The following EPS8L3 variants were observed in gnomAD, a reference collection of about 807,000 sequenced individuals.
EPS8L3 encodes EPS8 signaling adaptor L3.
A neutral mutation model predicts 88.5 loss-of-function variants in EPS8L3; 80 were observed. The ratio of observed to expected loss-of-function variants is 0.90; its 90% CI spans 0.75 to 1.09. The LOEUF (loss-of-function observed/expected upper bound fraction) is 1.09, where lower values mean the gene tolerates loss of function less well. Among genes scored for constraint, EPS8L3 ranks in the 50% least tolerant of loss-of-function variants. The pLI is 0.00. For synonymous variants in EPS8L3, 286 were observed against 291.0 expected (o/e 0.98, Z 0.18); for missense variants, 721 against 735.2 (o/e 0.98, Z 0.22).
chr1:109,757,363 C>T (rs1364923545), intron 11 of EPS8L3, 118 bp downstream of exon 11: 2 of 1,157,940 alleles, frequency 1.7e-6, no homozygotes, highest in African/African-American at 3.0e-5. Context: ...GACCCCAGCT[C>T]ATCTGGTTCC....
chr1:109,757,942 A>C lies in EPS8L3; in HGVS notation c.832+2T>G. 9 of 1,613,716 alleles carry C rather than the reference A, an allele frequency of 5.6e-6. No individual in the cohort carries two copies. Among genetic ancestry groups the C allele is most frequent in the Non-Finnish European group, 7.6e-6 (9 of 1,179,848 alleles). ...TCCTCTTCCCTGGCCCTCAGTACTC[A>C]CCTCCCTGGTCCTTGTTTTTTTTCC... On this transcript the variant is annotated splice_donor_variant, in intron 9 of 18. Transcript: ENST00000361965. LOFTEE classifies it high-confidence loss of function.
intron 14 of EPS8L3, 49 bp downstream of exon 14, chr1:109,752,637 G>GTCCC (rs1255374328): frequency 6.6e-7 from 1 of 1,517,032 alleles, no homozygotes; most frequent in Non-Finnish European, 9.0e-7. Context: ...GAACAGCCCT[G>GTCCC]TCCCTCCCTC....
intron 12 of EPS8L3, 70 bp from the exon 13 acceptor site, chr1:109,753,268 C>G (rs1887548): frequency 0.63 from 819,419 of 1,303,582 alleles, 262,039 homozygotes; most frequent in African/African-American, 0.87. Flanking sequence ...GGGACGCGGA[C>G]AGGGAGGGGA....
In EPS8L3 at chr1:109,759,031, C is replaced by T. The variant is rs1452653953; in HGVS notation, c.461+31G>A. ...GGCCCCCGAGGCTGAGCTGGGAGGC[C>T]CCATAGGTGGGCTGGGCAGAGGCTG... On this transcript the variant is annotated intron_variant, in intron 6 of 18. Transcript: ENST00000361965. The surrounding 1 kb of genome is among the most constrained non-coding windows in gnomAD (Gnocchi z 4.2). 2 of 1,578,126 alleles carry T rather than the reference C, an allele frequency of 1.3e-6. No individual in the cohort carries two copies. Among genetic ancestry groups the T allele is most frequent in the Non-Finnish European group, 8.6e-7 (1 of 1,161,864 alleles).
rs756723643 is a variant in EPS8L3, at chr1:109,751,972, C to G, written c.1434+23G>C. The G allele has an allele frequency of 2.7e-5, 43 of 1,579,940 alleles. 1 individual carries two copies. In the South Asian group the frequency reaches 5.0e-4, roughly 19 times the overall value. On this transcript the variant is annotated intron_variant, in intron 15 of 18. Coordinates refer to ENST00000361965, the MANE Select transcript of EPS8L3 (RefSeq NM_133181.4). ...CTCCCACCAACCACCACCTCCTTTT[C>G]TAGCCTATGGCCCAAGCCTCACCTC...
chr1:109,760,754 C>A (rs1650832933), intron 3 of EPS8L3, among the ~76,000 whole-genome samples: 1 of 152,092 alleles, frequency 6.6e-6, no homozygotes, highest in Admixed American at 6.5e-5. Flanking sequence ...ATCGCCCCAG[C>A]TCCCTCCCTG....
In EPS8L3 at chr1:109,757,104, G is replaced by T; in HGVS notation, c.1031C>A (p.Pro344His). 1 of 1,614,046 alleles carries T rather than the reference G, an allele frequency of 6.2e-7. No individual in the cohort carries two copies. The highest frequency in any genetic ancestry group is 1.1e-5 in the South Asian group (1 of 91,076). The change falls in exon 12 of 19, where the codon CCT becomes CAT. Residue 344 changes from proline (P) to histidine (H), a missense_variant. Transcript: ENST00000361965. The stretch of plus-strand genomic sequence containing the variant: ...GGACTGTAGCAGGTTGATAGCTTTA[G>T]GGGTGAGGAGGGGTGAGATCACTTG... Reference protein sequence around the residue: ...AAQVISPLLTPKAINLLQSCL... With the variant: ...AAQVISPLLTHKAINLLQSCL...
chr1:109,758,736 C>A, intron 6 of EPS8L3, 73 bp from the exon 7 acceptor site: 1 of 1,500,402 alleles, frequency 6.7e-7, no homozygotes, highest in South Asian at 1.4e-5. Context: ...CAATTCTGCT[C>A]CAGGACCCAG....
At chr1:109,755,549 A>G (rs2101450900) in intron 12 of EPS8L3, among the ~76,000 whole-genome samples, 1 of 152,312 alleles carries the variant, frequency 6.6e-6, no homozygotes, top group African/African-American at 2.4e-5. Flanking sequence ...TCACGGCTGT[A>G]ATCTCAGCAC....
rs769645284 is a variant in EPS8L3, at chr1:109,753,102, C to T, written c.1200+15G>A. ...CTAGGGCTGTGGGTAGGGCTCTATG[C>T]CAAGCTCCCCTTACTTGGCTGGAGG... On this transcript the variant is annotated intron_variant, in intron 13 of 18. Transcript: ENST00000361965. 5.6e-6 allele frequency: 9 copies of T among 1,610,186 alleles called. No individual in the cohort carries two copies. Among genetic ancestry groups the T allele is most frequent in the African/African-American group, 2.7e-5 (2 of 74,888 alleles).
At position 109,755,855 on chromosome 1, in the gene EPS8L3, C is replaced by T. The variant is rs11804084; in HGVS notation, c.1118+1162G>A. ...AGAAGTGGTTATTAGGCAAATAACT[C>T]CAAGAAAAGACTCATTTCCCTGTTG... On this transcript the variant is annotated intron_variant, in intron 12 of 18. Transcript: ENST00000361965. Among the ~76,000 whole-genome samples the T allele has an allele frequency of 9.9e-3, 1,506 of 152,292 alleles. 17 individuals carry two copies. The highest frequency in any genetic ancestry group is 0.02 in the Middle Eastern group (6 of 294).
intron 17 of EPS8L3, 25 bp from the exon 18 acceptor site, chr1:109,750,817 T>C (rs1442761702): frequency 6.2e-7 from 1 of 1,613,648 alleles, no homozygotes; most frequent in Non-Finnish European, 8.5e-7. Flanking sequence ...GCAAAAGCCA[T>C]CCGTGGTGGG....
At chr1:109,758,283 A>G (rs1180213392) in intron 8 of EPS8L3, 33 bp downstream of exon 8, 1 of 1,580,548 alleles carries the variant, frequency 6.3e-7, no homozygotes, top group Non-Finnish European at 8.7e-7. Context: ...AGGCCCAGAA[A>G]GCCTCAGCAA....
rs1262589027 is a variant in EPS8L3, at chr1:109,761,522, C to T, written c.69G>A (p.Glu23=). 3.7e-6 allele frequency: 6 copies of T among 1,613,420 alleles called. No homozygotes were observed. Among genetic ancestry groups the T allele is most frequent in the Non-Finnish European group, 2.5e-6 (3 of 1,179,636 alleles). The change falls in exon 3 of 19, where the codon GAG becomes GAA. Residue 23 remains glutamate (E), a synonymous_variant. Transcript: ENST00000361965. ...CCACCCTGTGCTGCAGGAGGGTGGG[C>T]TCTGAGGTGAGGTTCTGGGAGTACT... ...RKEYSQNLTS[E]PTLLQHRVEH...
Position 109,759,229 on chromosome 1 carries a change from A to G in EPS8L3, c.405+9T>C, listed in dbSNP as rs761425867. 9 of 1,612,560 alleles carry G rather than the reference A, an allele frequency of 5.6e-6. No homozygotes were observed. The highest frequency in any genetic ancestry group is 4.0e-5 in the African/African-American group (3 of 74,614). Reference sequence around the variant, plus strand: ...CCCCACCCCTGACCAATCACCCCCGACCACTCACCCCCACTTCCTGGCACT... The same window carrying G: ...CCCCACCCCTGACCAATCACCCCCGGCCACTCACCCCCACTTCCTGGCACT... On this transcript the variant is annotated intron_variant, in intron 5 of 18. Transcript: ENST00000361965. This position sits in a 1 kb window ranked among gnomAD's most constrained non-coding sequence, Gnocchi z 4.2.
At chr1:109,758,100 C>G (rs768008364) in intron 8 of EPS8L3, 42 bp from the exon 9 acceptor site, 14 of 1,569,838 alleles carry the variant, frequency 8.9e-6, no homozygotes, top group Middle Eastern at 1.8e-4. Flanking sequence ...GGCAGTTGGG[C>G]CCACCCTGGA....
intron 11 of EPS8L3, 53 bp from the exon 12 acceptor site, chr1:109,757,218 G>A: frequency 6.5e-7 from 1 of 1,528,534 alleles, no homozygotes; most frequent in Non-Finnish European, 8.8e-7. Flanking sequence ...AGGGCCCAGT[G>A]AGGGTGGGAA....
chr1:109,759,516 T>A lies in EPS8L3; in HGVS notation c.256-129A>T. Reference sequence around the variant, plus strand: ...GTGTCATCTACCTGACTCTTGTGCCTCTGTCCCCAGCCTCTGTCCCCTGTC... The same window carrying A: ...GTGTCATCTACCTGACTCTTGTGCCACTGTCCCCAGCCTCTGTCCCCTGTC... On this transcript the variant is annotated intron_variant, in intron 4 of 18. Transcript: ENST00000361965. The surrounding 1 kb of genome is among the most constrained non-coding windows in gnomAD (Gnocchi z 4.2). 1 of 1,506,700 alleles carries A rather than the reference T, an allele frequency of 6.6e-7. No individual in the cohort carries two copies. The highest frequency in any genetic ancestry group is 1.3e-5 in the South Asian group (1 of 77,146). The allele number at this position is 1,506,700 out of a possible 1,614,324, so 93.3% of individuals were successfully genotyped here.
rs764246532 is a variant in EPS8L3, at chr1:109,758,577, T to A, written c.548A>T (p.Tyr183Phe). 6.2e-7 allele frequency: 1 copy of A among 1,613,404 alleles called. No individual in the cohort carries two copies. The highest frequency in any genetic ancestry group is 8.5e-7 in the Non-Finnish European group (1 of 1,179,622). Residue 183 changes from tyrosine to phenylalanine, a missense_variant, in exon 7 of 19, where the codon TAT becomes TTT. By Grantham distance (22) the Tyr-to-Phe change is conservative. Transcript: ENST00000361965. ...ERPLPMEQAR[Y>F]LEPGIPPEQP... is the part of the protein sequence containing the mutation. ...TTCTGGAGGGATCCCCGGCTCCAGATAGCGTGCCTGCTCCATAGGGAGCGG... is the reference window on the plus strand; with the variant it reads ...TTCTGGAGGGATCCCCGGCTCCAGAAAGCGTGCCTGCTCCATAGGGAGCGG...
Sources: allele counts gnomAD v4.1 joint callset (sites outside exome capture counted in the v4.1 genomes callset), GRCh38; gene constraint gnomAD v4.1.1; non-coding constraint Gnocchi (gnomAD v3.1); transcripts MANE v1.5; gene names NCBI Gene and HGNC (gene_info 2026-07-23, HGNC 2026-07-21).